Variants in DNAH17 observed in about 807,000 individuals in gnomAD.
DNAH17 encodes dynein axonemal heavy chain 17.
In DNAH17, 376 loss-of-function variants were observed where a neutral mutation model predicts 485.6. The observed-to-expected ratio is 0.77, with a 90% CI of 0.71 to 0.84. The LOEUF is 0.84. DNAH17 is among the 40% of genes least tolerant of loss of function. DNAH17 has a pLI of 0.00. For synonymous variants in DNAH17, 3,031 were observed against 2,405.9 expected, an observed-to-expected ratio of 1.26 and a Z score of -7.60; for missense variants, 6,370 against 5,839.3, an observed-to-expected ratio of 1.09 and a Z score of -2.96.
At chr17:78,443,682 T>C (rs1326188449) in intron 71 of DNAH17, among the ~76,000 whole-genome samples, 3 of 152,182 alleles carry the variant, frequency 2.0e-5, no homozygotes, top group Non-Finnish European at 4.4e-5. Flanking sequence ...TCTGAGTAAC[T>C]GGGACTATAG....
At chr17:78,473,799 T>C (rs1011304708) in intron 54 of DNAH17, among the ~76,000 whole-genome samples, 8 of 152,148 alleles carry the variant, frequency 5.3e-5, no homozygotes, top group African/African-American at 7.2e-5. Flanking sequence ...ATTTAGTTAA[T>C]AGACTAGAGA....
At chr17:78,454,275 G>T (rs1341303720) in intron 64 of DNAH17, among the ~76,000 whole-genome samples, 195 bp downstream of exon 64, 1 of 152,158 alleles carries the variant, frequency 6.6e-6, no homozygotes, top group African/African-American at 2.4e-5. Context: ...AGCAGCAGGT[G>T]ATGGGGACAG....
intron 2 of DNAH17, 35 bp downstream of exon 2, chr17:78,574,678 C>T: frequency 6.4e-7 from 1 of 1,553,228 alleles, no homozygotes; most frequent in South Asian, 1.2e-5. Context: ...GTCGGTCGTG[C>T]TCGACACCCC....
chr17:78,479,791 A>T (rs1228032416), intron 49 of DNAH17, among the ~76,000 whole-genome samples, 159 bp from the exon 50 acceptor site: 2 of 152,214 alleles, frequency 1.3e-5, no homozygotes, highest in Non-Finnish European at 2.9e-5. Context: ...TGCATGTGGT[A>T]AAACTGCATT....
At chr17:78,527,313 G>A (rs891818126) in intron 22 of DNAH17, among the ~76,000 whole-genome samples, 13 of 152,234 alleles carry the variant, frequency 8.5e-5, no homozygotes, top group African/African-American at 3.1e-4. Flanking sequence ...CTTGGACTAG[G>A]AAGGCAGAGG....
intron 16 of DNAH17, among the ~76,000 whole-genome samples, chr17:78,549,608 A>G (rs1341695635): frequency 1.3e-5 from 2 of 152,220 alleles, no homozygotes; most frequent in Non-Finnish European, 2.9e-5. Context: ...GGTTTAGTTA[A>G]AAACTTCTGG....
At chr17:78,532,792 T>C in intron 19 of DNAH17, 56 bp from the exon 20 acceptor site, 4 of 1,506,726 alleles carry the variant, frequency 2.7e-6, no homozygotes, top group South Asian at 2.7e-5. Flanking sequence ...GTTCATAATT[T>C]AGGTGTTGTC....
chr17:78,481,940 G>A (rs752364904), intron 48 of DNAH17, among the ~76,000 whole-genome samples: 1 of 152,078 alleles, frequency 6.6e-6, no homozygotes, highest in African/African-American at 2.4e-5. Flanking sequence ...GCTTGAACCT[G>A]GGAGGTGGAG....
At chr17:78,572,604 A>C (rs980199284) in intron 3 of DNAH17, 97 bp downstream of exon 3, 5 of 1,139,306 alleles carry the variant, frequency 4.4e-6, no homozygotes, top group Non-Finnish European at 6.0e-6. Context: ...GCAGGGAAAC[A>C]ACGGGTCGGA....
intron 61 of DNAH17, 79 bp from the exon 62 acceptor site, chr17:78,458,759 C>G (rs2146523189): frequency 1.5e-6 from 2 of 1,320,856 alleles, no homozygotes; most frequent in African/African-American, 2.9e-5. Context: ...AGGGCTGGGC[C>G]CTGTGAGCGC....
At chr17:78,510,754 C>CCCCT in intron 26 of DNAH17, 2 of 405,080 alleles carry the variant, frequency 4.9e-6, no homozygotes, top group South Asian at 6.8e-5. Context: ...AATTGCGGCC[C>CCCCT]CCCCGCAAAA....
At position 78,476,714 on chromosome 17, in the gene DNAH17, G is replaced by A; in HGVS notation, c.8012C>T (p.Ala2671Val). Reference protein sequence around the residue: ...NIFQGLLFSTAEVLKTPLDLV... With the variant: ...NIFQGLLFSTVEVLKTPLDLV... Reference sequence around the variant, plus strand: ...GTCCAGTGGGGTTTTCAGAACTTCTGCTGTGGAAAATAAGAGTCCCTGCCC... The same window carrying A: ...GTCCAGTGGGGTTTTCAGAACTTCTACTGTGGAAAATAAGAGTCCCTGCCC... The change falls in exon 52 of 81, where the codon GCA (alanine) becomes GTA (valine). Residue 2671 changes from alanine (A) to valine (V), a missense_variant. Coordinates refer to ENST00000389840, the MANE Select transcript of DNAH17 (RefSeq NM_173628.4). 1 of 1,612,624 alleles carries A rather than the reference G, an allele frequency of 6.2e-7. No individual in the cohort carries two copies. The highest frequency in any genetic ancestry group is 1.3e-5 in the African/African-American group (1 of 74,988).
In DNAH17 at chr17:78,423,949, G is replaced by A. The variant is rs143246806; in HGVS notation, c.13346C>T (p.Ala4449Val). The change falls in exon 81 of 81, where the codon GCG becomes GTG. Residue 4449 changes from alanine to valine, a missense_variant. Transcript: ENST00000389840. ...TFNLKTKEKA[A>V]KWILAAVALL... ...CGCCACGGCTGCCAGGATCCACTTC[G>A]CTGCCTTCTCTTTGGTCTTCAAGTT... The A allele has an allele frequency of 6.2e-5, 100 of 1,613,858 alleles. 1 individual carries two copies. Among genetic ancestry groups the A allele is most frequent in the South Asian group, 4.6e-4 (42 of 91,086 alleles).
At position 78,562,744 on chromosome 17, in the gene DNAH17, G is replaced by A. The variant is rs1267391560; in HGVS notation, c.1570-764C>T. Among the ~76,000 whole-genome samples the A allele has an allele frequency of 2.0e-5, 3 of 152,366 alleles. No individual in the cohort carries two copies. The East Asian group carries it at 5.8e-4, about 29-fold the overall frequency. On this transcript the variant is annotated intron_variant, in intron 11 of 80. Transcript: ENST00000389840. ...TGAAGAAATATTTTATCCACAGGAA[G>A]CGTTCCTCTTAGGAAGAGCACTGCC...
chr17:78,561,477 A>C (rs2143652204), intron 12 of DNAH17, among the ~76,000 whole-genome samples: 1 of 152,044 alleles, frequency 6.6e-6, no homozygotes, highest in East Asian at 1.9e-4. Context: ...GGTGGTCTTC[A>C]TGTCTACCAG....
chr17:78,562,443 AAAG>A (rs1371771010), intron 11 of DNAH17, among the ~76,000 whole-genome samples: 3 of 152,098 alleles, frequency 2.0e-5, no homozygotes, highest in African/African-American at 7.2e-5. Context: ...TAAAAAATAC[AAAG>A]AATACATGAA....
Position 78,434,136 on chromosome 17 carries a change from T to C in DNAH17, c.12118A>G (p.Arg4040Gly). ...LCYFHAVVAE[R>G]RKFGAQGWNR... ...CAGCCCTGGGCGCCGAACTTGCGCC[T>C]CTCTGCCACCACAGCGTGGAAGTAG... is the stretch of plus-strand genomic sequence containing the variant. Residue 4040 changes from arginine (R) to glycine (G), a missense_variant, in exon 75 of 81, where the codon AGG (arginine) becomes GGG (glycine). By Grantham distance (125) the Arg-to-Gly change is moderately radical. Transcript: ENST00000389840. 4 of 1,613,606 alleles carry C rather than the reference T, an allele frequency of 2.5e-6. No individual in the cohort carries two copies. Among genetic ancestry groups the C allele is most frequent in the Non-Finnish European group, 3.4e-6 (4 of 1,179,840 alleles).
At chr17:78,428,367 G>A (rs1055488428) in intron 77 of DNAH17, 158 bp downstream of exon 77, 36 of 864,856 alleles carry the variant, frequency 4.2e-5, no homozygotes, top group Non-Finnish European at 5.5e-5. Flanking sequence ...ACCAGCCTGC[G>A]GGCCATACCC....
chr17:78,461,854 T>A (rs1598490471), intron 57 of DNAH17, 146 bp from the exon 58 acceptor site: 2 of 704,474 alleles, frequency 2.8e-6, no homozygotes, highest in East Asian at 6.0e-5. Flanking sequence ...TTTTGGAGAG[T>A]CTTTTCAATA....
Sources: allele counts gnomAD v4.1 joint callset (sites outside exome capture counted in the v4.1 genomes callset), GRCh38; gene constraint gnomAD v4.1.1; transcripts MANE v1.5; gene names NCBI Gene and HGNC (gene_info 2026-07-23, HGNC 2026-07-21).